WWOX: variants seen among roughly 807,000 people sequenced by gnomAD.
WWOX encodes the protein WW domain-containing oxidoreductase.
Under a neutral mutation model 46.2 loss-of-function variants are expected in WWOX, and 69 were observed. The observed-to-expected ratio is 1.49, with a 90% CI of 1.23 to 1.82. WWOX has a LOEUF of 1.82. WWOX is among the 40% of genes most tolerant of loss of function. WWOX has a pLI of 0.00. For missense variants in WWOX, 919 were observed against 542.6 expected (o/e 1.69, Z -6.89); for synonymous variants, 359 against 202.6 (o/e 1.77, Z -6.56).
intron 8 of WWOX, among the ~76,000 whole-genome samples, chr16:79,163,147 G>C (rs1471735461): frequency 6.6e-6 from 1 of 152,158 alleles, no homozygotes; most frequent in African/African-American, 2.4e-5. Flanking sequence ...TTTACTTGGA[G>C]CTGTTATATA....
intron 4 of WWOX, among the ~76,000 whole-genome samples, chr16:78,119,708 C>T (rs2032994574): frequency 6.6e-6 from 1 of 151,614 alleles, no homozygotes; most frequent in Non-Finnish European, 1.5e-5. Context: ...TCAAGTGATC[C>T]TCCCACCTTA....
chr16:78,767,399 C>T (rs906611665), intron 8 of WWOX, among the ~76,000 whole-genome samples: 4 of 151,950 alleles, frequency 2.6e-5, no homozygotes, highest in Non-Finnish European at 4.4e-5. Flanking sequence ...CTTCCCAAAG[C>T]GCTGAGATGA....
intron 8 of WWOX, among the ~76,000 whole-genome samples, chr16:78,868,254 G>T (rs373878423): frequency 1.3e-5 from 2 of 152,098 alleles, no homozygotes; most frequent in African/African-American, 4.8e-5. Context: ...AAAACATTAC[G>T]CTAAGTGAAG....
intron 8 of WWOX, among the ~76,000 whole-genome samples, chr16:79,053,237 C>T (rs970580814): frequency 3.9e-5 from 6 of 152,102 alleles, no homozygotes; most frequent in Admixed American, 2.0e-4. Context: ...TGCACACATA[C>T]GTAATTACAA....
At chr16:78,934,964 A>C (rs2045705504) in intron 8 of WWOX, among the ~76,000 whole-genome samples, 1 of 152,204 alleles carries the variant, frequency 6.6e-6, no homozygotes, top group South Asian at 2.1e-4. Flanking sequence ...GACACTTTTC[A>C]AAAGAAGACA....
At chr16:78,710,842 C>T (rs189783842) in intron 8 of WWOX, among the ~76,000 whole-genome samples, 10 of 151,946 alleles carry the variant, frequency 6.6e-5, no homozygotes, top group Admixed American at 6.6e-4. Context: ...ATCTCAAACT[C>T]CTGAGCTCAA....
chr16:79,113,599 A>G (rs555880194), intron 8 of WWOX, among the ~76,000 whole-genome samples: 2 of 152,364 alleles, frequency 1.3e-5, no homozygotes, highest in African/African-American at 2.4e-5. Context: ...CCTGTCGCCA[A>G]AGAAGGTCCC....
intron 8 of WWOX, among the ~76,000 whole-genome samples, chr16:78,468,282 T>TA (rs2084131242): frequency 6.7e-6 from 1 of 149,402 alleles, no homozygotes; most frequent in South Asian, 2.1e-4. Flanking sequence ...TTTTTTTTTT[T>TA]AAACTTCATG....
chr16:78,745,639 C>T (rs1476454249), intron 8 of WWOX, among the ~76,000 whole-genome samples: 1 of 142,322 alleles, frequency 7.0e-6, no homozygotes, highest in Non-Finnish European at 1.5e-5. Context: ...TTCATTGAAA[C>T]ATTAAACATT....
At chr16:78,684,460 G>T (rs540449182) in intron 8 of WWOX, among the ~76,000 whole-genome samples, 1 of 152,174 alleles carries the variant, frequency 6.6e-6, no homozygotes. Context: ...TGTTGAGTCA[G>T]ATCAAGTCCA....
chr16:78,410,955 G>C (rs1215047648), intron 6 of WWOX, among the ~76,000 whole-genome samples: 1 of 152,074 alleles, frequency 6.6e-6, no homozygotes, highest in African/African-American at 2.4e-5. Context: ...CTATTGACCA[G>C]AGGCGAACCT....
intron 8 of WWOX, among the ~76,000 whole-genome samples, chr16:78,766,268 C>A (rs557409498): frequency 6.6e-6 from 1 of 152,182 alleles, no homozygotes; most frequent in South Asian, 2.1e-4. Flanking sequence ...CCTTGCTCTT[C>A]GTCATCTCTC....
chr16:78,736,279 T>A (rs1407403107), intron 8 of WWOX, among the ~76,000 whole-genome samples: 1 of 152,164 alleles, frequency 6.6e-6, no homozygotes, highest in Non-Finnish European at 1.5e-5. Context: ...TGTCGGACAG[T>A]CATAGGCTAT....
Position 79,027,966 on chromosome 16 carries a change from T to G in WWOX, c.1057-183642T>G, listed in dbSNP as rs1212708469. ...TTCTTTTTTGTTGTTGTTTGTTTGT[T>G]TTTGAGACGGAGTGTCGCTCTGTCG... On this transcript the variant is annotated intron_variant, in intron 8 of 8. Coordinates refer to ENST00000566780, the MANE Select transcript of WWOX (RefSeq NM_016373.4). Among the ~76,000 whole-genome samples the G allele has an allele frequency of 2.0e-5, 3 of 151,814 alleles. No individual in the cohort carries two copies. The East Asian group carries it at 5.8e-4, about 29-fold the overall frequency.
At chr16:78,441,499 C>G (rs149553964) in intron 8 of WWOX, among the ~76,000 whole-genome samples, 4 of 152,192 alleles carry the variant, frequency 2.6e-5, no homozygotes, top group Non-Finnish European at 5.9e-5. Flanking sequence ...CCCAAGGTCC[C>G]CCAGGCTCAT....
Position 78,890,000 on chromosome 16 carries a change from C to A in WWOX, c.1057-321608C>A, listed in dbSNP as rs940673584. Among the ~76,000 whole-genome samples, 3 of 151,362 alleles carry A rather than the reference C, an allele frequency of 2.0e-5. No individual in the cohort carries two copies. The South Asian group carries it at 6.2e-4, about 31-fold the overall frequency. ...TGAATCTCTGTTTTTTTTTCTCTTTCTCCTAAATGTTAGGAATTTTCTGAA... is the reference window on the plus strand; with the variant it reads ...TGAATCTCTGTTTTTTTTTCTCTTTATCCTAAATGTTAGGAATTTTCTGAA... On this transcript the variant is annotated intron_variant, in intron 8 of 8. Coordinates refer to ENST00000566780, the MANE Select transcript of WWOX (RefSeq NM_016373.4).
intron 8 of WWOX, among the ~76,000 whole-genome samples, chr16:79,146,802 C>A (rs1368002423): frequency 1.7e-4 from 26 of 152,082 alleles, no homozygotes; most frequent in Non-Finnish European, 2.9e-5. Flanking sequence ...GATTTTAGTG[C>A]TAGGATTGGA....
intron 8 of WWOX, among the ~76,000 whole-genome samples, chr16:78,474,811 C>G (rs1217013864): frequency 6.6e-6 from 1 of 152,172 alleles, no homozygotes; most frequent in Admixed American, 6.5e-5. Flanking sequence ...CTGGACATTT[C>G]TCATTAATGG....
chr16:78,822,970 C>T (rs896178766), intron 8 of WWOX, among the ~76,000 whole-genome samples: 8 of 151,902 alleles, frequency 5.3e-5, no homozygotes, highest in Admixed American at 2.0e-4. Context: ...AAAGAGGCTT[C>T]GTGTTGTTTG....
Sources: allele counts gnomAD v4.1 joint callset (sites outside exome capture counted in the v4.1 genomes callset), GRCh38; gene constraint gnomAD v4.1.1; transcripts MANE v1.5; gene names NCBI Gene and HGNC (gene_info 2026-07-23, HGNC 2026-07-21).